The following PRICKLE2 variants were observed in gnomAD, a reference collection of about 807,000 sequenced individuals.
The protein encoded by PRICKLE2 is prickle-like protein 2.
A neutral mutation model predicts 81.4 loss-of-function variants in PRICKLE2; 21 were observed. That is an observed-to-expected ratio of 0.26 (90% CI 0.18 to 0.37). PRICKLE2 has a LOEUF of 0.37. PRICKLE2 is among the 10% of genes least tolerant of loss of function. The pLI is 1.00. For missense variants in PRICKLE2, 940 were observed against 1,109.0 expected (o/e 0.85, Z 2.16); for synonymous variants, 456 against 421.5 (o/e 1.08, Z -1.00).
At position 64,095,549 on chromosome 3, in the gene PRICKLE2, A is replaced by G. The variant is rs2076560814; in HGVS notation, c.*3502T>C. ...TATCTGCTCAGCTTGCAGGGAGCGC[A>G]GAGCACATGCTACATATATGTCATC... On this transcript the variant is annotated 3_prime_UTR_variant, in exon 8 of 8. Transcript: ENST00000638394. 1 of 152,230 alleles carries G rather than the reference A, an allele frequency of 6.6e-6. No individual in the cohort carries two copies. 9.4% of individuals were successfully genotyped at this position (152,230 alleles called of 1,614,324 possible). A position where few individuals can be genotyped will look rare whatever the true frequency, so the allele number is the denominator to read the frequency against.
intron 7 of PRICKLE2, among the ~76,000 whole-genome samples, chr3:64,109,854 A>G (rs1409309594): frequency 6.6e-6 from 1 of 152,216 alleles, no homozygotes; most frequent in African/African-American, 2.4e-5. Flanking sequence ...TGGGACTAGA[A>G]TCACTTCTCT....
chr3:64,202,170 T>C (rs2078595025), intron 1 of PRICKLE2, among the ~76,000 whole-genome samples: 1 of 152,210 alleles, frequency 6.6e-6, no homozygotes, highest in African/African-American at 2.4e-5. Context: ...GAAGTATATA[T>C]GAGTCAAGCA....
rs550803054 is a variant in PRICKLE2, at chr3:64,097,193, AT to A, written c.*1857del. On this transcript the variant is annotated 3_prime_UTR_variant, in exon 8 of 8. Transcript: ENST00000638394. ...AATCAGTGACAATGACAAATGTCAT[AT>A]TAATACCTGAAAAGCAAATTATTTT... 2.0e-5 allele frequency: 3 copies of A among 152,638 alleles called. No homozygotes were observed. Among genetic ancestry groups the A allele is most frequent in the Non-Finnish European group, 2.9e-5 (2 of 68,032 alleles). 9.5% of individuals were successfully genotyped at this position (152,638 alleles called of 1,614,324 possible).
At chr3:64,172,833 G>T (rs985322841) in intron 2 of PRICKLE2, among the ~76,000 whole-genome samples, 4 of 152,192 alleles carry the variant, frequency 2.6e-5, no homozygotes, top group Admixed American at 6.5e-5. Context: ...TGGTGTCCTT[G>T]TAAGAAGAGG....
rs566301279 is a variant in PRICKLE2, at chr3:64,097,149, T to C, written c.*1902A>G. 8 of 152,700 alleles carry C rather than the reference T, an allele frequency of 5.2e-5. No individual in the cohort carries two copies. The allele number at this position is 152,700 out of a possible 1,614,324, so 9.5% of individuals were successfully genotyped here. A position where few individuals can be genotyped will look rare whatever the true frequency, so the allele number is the denominator to read the frequency against. On this transcript the variant is annotated 3_prime_UTR_variant, in exon 8 of 8. Transcript: ENST00000638394. ...GCGGAAAACAGCCACAACCAACATG[T>C]GCATTGCTTTTTTAAAAAAATCAGT... is the stretch of plus-strand genomic sequence containing the variant.
At chr3:64,196,873 T>C (rs1319567033) in intron 2 of PRICKLE2, among the ~76,000 whole-genome samples, 1 of 152,214 alleles carries the variant, frequency 6.6e-6, no homozygotes. Flanking sequence ...ATTATATCCT[T>C]ACAGGAATGA....
At chr3:64,111,133 A>T (rs1489006353) in intron 7 of PRICKLE2, among the ~76,000 whole-genome samples, 1 of 152,142 alleles carries the variant, frequency 6.6e-6, no homozygotes, top group Non-Finnish European at 1.5e-5. Context: ...TTTTGTGCTC[A>T]GTTCCCTCAT....
chr3:64,254,867 T>C (rs558375640), intron 2 of PRICKLE2, among the ~76,000 whole-genome samples: 3 of 152,184 alleles, frequency 2.0e-5, no homozygotes, highest in Non-Finnish European at 4.4e-5. Flanking sequence ...ACCAGTTGTA[T>C]GGTCTTAGGC....
intron 2 of PRICKLE2, among the ~76,000 whole-genome samples, chr3:64,166,858 G>A (rs371440154): frequency 1.3e-5 from 2 of 152,152 alleles, no homozygotes; most frequent in Non-Finnish European, 1.5e-5. Flanking sequence ...GGAGAAAAAC[G>A]CATCCCTCTA....
chr3:64,142,006 T>C (rs1209598358), intron 7 of PRICKLE2: 9 of 914,136 alleles, frequency 9.8e-6, no homozygotes, highest in Non-Finnish European at 1.2e-5. Flanking sequence ...AAAAAACTAC[T>C]GAATTTTCTA....
At chr3:64,198,019 G>A (rs1451032714) in intron 2 of PRICKLE2, among the ~76,000 whole-genome samples, 1 of 151,904 alleles carries the variant, frequency 6.6e-6, no homozygotes, top group Non-Finnish European at 1.5e-5. Context: ...AGACCATCCT[G>A]GCTATCATGG....
intron 7 of PRICKLE2, among the ~76,000 whole-genome samples, chr3:64,115,801 T>C (rs1454459641): frequency 6.6e-6 from 1 of 151,976 alleles, no homozygotes; most frequent in Admixed American, 6.6e-5. Context: ...AAGAAAAAAT[T>C]AACAAAGATG....
intron 2 of PRICKLE2, among the ~76,000 whole-genome samples, chr3:64,175,498 T>C (rs538039352): frequency 1.3e-5 from 2 of 152,300 alleles, no homozygotes; most frequent in Admixed American, 6.5e-5. Context: ...ACAACAAGCA[T>C]TGCAAGCTTC....
intron 7 of PRICKLE2, among the ~76,000 whole-genome samples, chr3:64,126,271 T>C (rs1485329686): frequency 1.3e-5 from 2 of 152,188 alleles, no homozygotes. Context: ...CACTAGGAGA[T>C]GCAGCAAAGA....
At chr3:64,194,493 T>G (rs1216622808) in intron 2 of PRICKLE2, among the ~76,000 whole-genome samples, 1 of 152,176 alleles carries the variant, frequency 6.6e-6, no homozygotes, top group Non-Finnish European at 1.5e-5. Flanking sequence ...GAAGTGCTTT[T>G]GGTATCCAGT....
chr3:64,202,884 A>G (rs1178262549), intron 1 of PRICKLE2, among the ~76,000 whole-genome samples: 2 of 152,186 alleles, frequency 1.3e-5, no homozygotes, highest in African/African-American at 4.8e-5. Flanking sequence ...AGCATTAAGT[A>G]TTATGTTAGC....
intron 7 of PRICKLE2, among the ~76,000 whole-genome samples, chr3:64,120,906 A>C (rs1189580101): frequency 6.6e-6 from 1 of 152,138 alleles, no homozygotes; most frequent in Non-Finnish European, 1.5e-5. Flanking sequence ...GCTGCCACGA[A>C]CCCATTATCC....
intron 7 of PRICKLE2, among the ~76,000 whole-genome samples, chr3:64,145,039 T>TTC (rs34510736): frequency 1.3e-5 from 2 of 151,534 alleles, no homozygotes; most frequent in Non-Finnish European, 2.9e-5. Flanking sequence ...CTCTATTTTT[T>TTC]CCCACATTTA....
chr3:64,260,634 G>A (rs764053973), intron 2 of PRICKLE2, among the ~76,000 whole-genome samples: 34 of 152,238 alleles, frequency 2.2e-4, no homozygotes, highest in African/African-American at 6.5e-4. Flanking sequence ...CTCTCCTCTC[G>A]TCCGGGGAAG....
Sources: allele counts gnomAD v4.1 joint callset (sites outside exome capture counted in the v4.1 genomes callset), GRCh38; gene constraint gnomAD v4.1.1; transcripts MANE v1.5; gene names NCBI Gene and HGNC (gene_info 2026-07-23, HGNC 2026-07-21).